The following MEFV variants were observed in gnomAD, a reference collection of about 807,000 sequenced individuals.
MEFV encodes the protein pyrin.
In MEFV, 60 loss-of-function variants were observed where a neutral mutation model predicts 62.5. The ratio of observed to expected loss-of-function variants is 0.96; its 90% CI spans 0.78 to 1.19. The LOEUF is 1.19. Among genes scored for constraint, MEFV ranks in the 50% most tolerant of loss-of-function variants. The pLI is 0.00. For synonymous variants in MEFV, 500 were observed against 415.2 expected (o/e 1.20, Z -2.48); for missense variants, 1,169 against 1,004.5 (o/e 1.16, Z -2.21).
At position 3,243,043 on chromosome 16, in the gene MEFV, T is replaced by TC; in HGVS notation, c.*97dup. 2 of 1,386,956 alleles carry TC rather than the reference T, an allele frequency of 1.4e-6. No individual in the cohort carries two copies. Among genetic ancestry groups the TC allele is most frequent in the Non-Finnish European group, 2.0e-6 (2 of 983,190 alleles). The allele number at this position is 1,386,956 out of a possible 1,614,324, so 85.9% of individuals were successfully genotyped here. A position where few individuals can be genotyped will look rare whatever the true frequency, so the allele number is the denominator to read the frequency against. Reference sequence around the variant, plus strand: ...GTAACTATTTTGTTATTTTTGCATTTCCCATAGCAGCTAGCACCTAGTCGG... The same window carrying TC: ...GTAACTATTTTGTTATTTTTGCATTTCCCCATAGCAGCTAGCACCTAGTCGG... On this transcript the variant is annotated 3_prime_UTR_variant, in exon 10 of 10. Transcript: ENST00000219596.
chr16:3,246,453 C>G (rs909509769), intron 6 of MEFV, 72 bp downstream of exon 6: 17 of 1,570,046 alleles, frequency 1.1e-5, no homozygotes, highest in Non-Finnish European at 1.4e-5. Flanking sequence ...CCTCCCAGGT[C>G]CCTTCTGGGA....
At position 3,243,563 on chromosome 16, in the gene MEFV, C is replaced by T; in HGVS notation, c.1924G>A (p.Val642Ile). Residue 642 changes from valine to isoleucine, a missense_variant, in exon 10 of 10, where the codon GTT (valine) becomes ATT (isoleucine). Transcript: ENST00000219596. Reference protein sequence around the residue: ...GPQRFDSCIIVLGSPSFLSGR... With the variant: ...GPQRFDSCIIILGSPSFLSGR... ...GAGAGGAAACTCGGAGAGCCCAGAA[C>T]AATGATACAGCTGTCAAATCTTTGC... 2 of 1,611,718 alleles carry T rather than the reference C, an allele frequency of 1.2e-6. No individual in the cohort carries two copies. The highest frequency in any genetic ancestry group is 1.7e-6 in the Non-Finnish European group (2 of 1,178,582).
rs11466017 is a variant in MEFV at position 3,256,201 on chromosome 16, G to C, written c.277+110C>G. The C allele has an allele frequency of 2.2e-4, 294 of 1,311,338 alleles. 1 individual carries two copies. The African/African-American group carries it at 3.5e-3, about 16-fold the overall frequency. 81.2% of individuals were successfully genotyped at this position (1,311,338 alleles called of 1,614,324 possible). On this transcript the variant is annotated intron_variant, in intron 1 of 9. Transcript: ENST00000219596. ...AAGTCATCTGGATTTTGGTAGACCT[G>C]AGACTCCCAATCCCCAGGTCAGAGT...
At position 3,243,451 on chromosome 16, in the gene MEFV, T is replaced by A; in HGVS notation, c.2036A>T (p.Asn679Ile). 6.2e-7 allele frequency: 1 copy of A among 1,614,136 alleles called. No individual in the cohort carries two copies. The highest frequency in any genetic ancestry group is 1.3e-5 in the African/African-American group (1 of 75,050). ...GCCATTCTCTGGCGACAGAGTCATG[T>A]TCCCTTTCCTGCTTATGGATGTCTT... is the stretch of plus-strand genomic sequence containing the variant. ...ACKTSISRKG[N>I]MTLSPENGYW... Residue 679 changes from asparagine (N) to isoleucine (I), a missense_variant, in exon 10 of 10, where the codon AAC (asparagine) becomes ATC (isoleucine). Coordinates refer to ENST00000219596, the MANE Select transcript of MEFV (RefSeq NM_000243.3).
At chr16:3,245,641 A>AG (rs1293542226) in intron 6 of MEFV, among the ~76,000 whole-genome samples, 3 of 149,118 alleles carry the variant, frequency 2.0e-5, no homozygotes, top group East Asian at 2.0e-4. Flanking sequence ...CTTCAAAAAA[A>AG]AAGAGAGAGA....
Position 3,242,361 on chromosome 16 carries a change from C to CA in MEFV, c.*779dup, listed in dbSNP as rs60407399. 0.03 allele frequency: 2,199 copies of CA among 73,224 alleles called. 32 individuals are homozygous for CA. Among genetic ancestry groups the CA allele is most frequent in the Non-Finnish European group, 0.036 (1,250 of 34,718 alleles). The allele number at this position is 73,224 out of a possible 1,614,324, so 4.5% of individuals were successfully genotyped here. On this transcript the variant is annotated 3_prime_UTR_variant, in exon 10 of 10. Coordinates refer to ENST00000219596, the MANE Select transcript of MEFV (RefSeq NM_000243.3). ...GGGTGACAAGAGCAAAACTTTGTCT[C>CA]AAAAAAAAAAAAAAAAAAGAATCAT...
intron 1 of MEFV, among the ~76,000 whole-genome samples, chr16:3,255,187 C>T (rs555489045): frequency 2.0e-4 from 31 of 152,116 alleles, no homozygotes; most frequent in African/African-American, 7.2e-4. Flanking sequence ...CGCGGTGGTG[C>T]GCACCTGTAG....
intron 4 of MEFV, among the ~76,000 whole-genome samples, chr16:3,248,194 G>T (rs1958974005): frequency 6.6e-6 from 1 of 151,934 alleles, no homozygotes; most frequent in Admixed American, 6.6e-5. Context: ...CGGAGGTGGA[G>T]GTTGGAGCAA....
At chr16:3,243,778 A>C in intron 9 of MEFV, 82 bp downstream of exon 9, 1 of 1,608,746 alleles carries the variant, frequency 6.2e-7, no homozygotes, top group Non-Finnish European at 8.5e-7. Context: ...AAACAGGGAC[A>C]GGGTAGTTCT....
rs754638562 is a variant in MEFV at position 3,243,703 on chromosome 16, A to C, written c.1793-9T>G. 1 of 1,610,812 alleles carries C rather than the reference A, an allele frequency of 6.2e-7. No homozygotes were observed. Among genetic ancestry groups the C allele is most frequent in the Non-Finnish European group, 8.5e-7 (1 of 1,178,578 alleles). On this transcript the variant is annotated splice_polypyrimidine_tract_variant and intron_variant, in intron 9 of 9. Coordinates refer to ENST00000219596, the MANE Select transcript of MEFV (RefSeq NM_000243.3). ...ATCCAGAATCACATTAACTGCAAAG[A>C]AAATTTGAATACCTAGGTAGGGGTC...
intron 6 of MEFV, among the ~76,000 whole-genome samples, chr16:3,245,450 T>C (rs945836337): frequency 1.3e-5 from 2 of 152,068 alleles, no homozygotes; most frequent in African/African-American, 4.8e-5. Flanking sequence ...GAGACCAGCC[T>C]GGCTAATATG....
intron 6 of MEFV, 100 bp downstream of exon 6, chr16:3,246,425 C>A: frequency 7.2e-7 from 1 of 1,388,624 alleles, no homozygotes; most frequent in Admixed American, 1.7e-5. Context: ...TCACAGACCC[C>A]GGGGTTGGGA....
intron 4 of MEFV, chr16:3,248,616 C>G (rs1958980027): frequency 1.4e-6 from 1 of 732,058 alleles, no homozygotes; most frequent in Admixed American, 3.6e-5. Context: ...GTTCTCCTCC[C>G]TTTTCCTCAA....
At position 3,243,277 on chromosome 16, in the gene MEFV, C is replaced by A. The variant is rs139092123; in HGVS notation, c.2210G>T (p.Arg737Ile). 6.2e-7 allele frequency: 1 copy of A among 1,614,192 alleles called. No homozygotes were observed. Among genetic ancestry groups the A allele is most frequent in the African/African-American group, 1.3e-5 (1 of 75,044 alleles). ...GCTGGCGAATGTATAGATGTGGGAT[C>A]TGGCTGTCACATTGTAAAAGGAGAT... ...GSISFYNVTA[R>I]SHIYTFASCS... Residue 737 changes from arginine (R) to isoleucine (I), a missense_variant, in exon 10 of 10, where the codon AGA becomes ATA. By Grantham distance (97) the Arg-to-Ile change is moderately conservative. Coordinates refer to ENST00000219596, the MANE Select transcript of MEFV (RefSeq NM_000243.3).
chr16:3,246,336 C>G, intron 6 of MEFV, 189 bp downstream of exon 6: 1 of 645,420 alleles, frequency 1.5e-6, no homozygotes, highest in Non-Finnish European at 2.7e-6. Flanking sequence ...CGGCCAGCCT[C>G]CCTGCTGACC....
intron 6 of MEFV, among the ~76,000 whole-genome samples, chr16:3,245,710 T>G (rs567911178): frequency 6.6e-6 from 1 of 152,076 alleles, no homozygotes; most frequent in African/African-American, 2.4e-5. Flanking sequence ...CTGGAGCCCC[T>G]GTGTGCTGCT....
intron 1 of MEFV, among the ~76,000 whole-genome samples, chr16:3,255,403 C>A (rs117411017): frequency 1.3e-5 from 2 of 152,220 alleles, no homozygotes; most frequent in African/African-American, 4.8e-5. Context: ...CTATGTATTT[C>A]TCTCTCTCTT....
intron 6 of MEFV, among the ~76,000 whole-genome samples, chr16:3,244,859 G>T (rs1958915451): frequency 6.6e-6 from 1 of 151,960 alleles, no homozygotes; most frequent in Admixed American, 6.6e-5. Context: ...TTATCTACTA[G>T]AATTATCTAT....
Position 3,246,904 on chromosome 16 carries a change from G to A in MEFV, c.1587+112C>T, listed in dbSNP as rs186238624. 4 of 1,041,608 alleles carry A rather than the reference G, an allele frequency of 3.8e-6. No individual in the cohort carries two copies. The Admixed American group carries it at 7.6e-5, about 20-fold the overall frequency. The allele number at this position is 1,041,608 out of a possible 1,614,324, so 64.5% of individuals were successfully genotyped here. On this transcript the variant is annotated intron_variant, in intron 5 of 9. Coordinates refer to ENST00000219596, the MANE Select transcript of MEFV (RefSeq NM_000243.3). Reference sequence around the variant, plus strand: ...GTCACCAAGACCAAGTCCTATCCTAGGCCTTAGGGGCTTCACCCACTTGTT... The same window carrying A: ...GTCACCAAGACCAAGTCCTATCCTAAGCCTTAGGGGCTTCACCCACTTGTT...
Sources: gnomAD v4.1 joint callset for allele counts (sites outside exome capture counted in the v4.1 genomes callset) on GRCh38, gnomAD v4.1.1 for gene constraint, MANE v1.5 for transcripts, NCBI Gene and HGNC (gene_info 2026-07-23, HGNC 2026-07-21) for gene names.